The following TCF7L1 variants were observed in gnomAD, a reference collection of about 807,000 sequenced individuals.
TCF7L1 encodes transcription factor 7 like 1, also known as transcription factor 7-like 1.
Under a neutral mutation model 63.7 loss-of-function variants are expected in TCF7L1, and 18 were observed. The ratio of observed to expected loss-of-function variants is 0.28; its 90% CI spans 0.20 to 0.42. TCF7L1 has a LOEUF of 0.42. Among genes scored for constraint, TCF7L1 ranks in the 10% least tolerant of loss-of-function variants. The probability of loss-of-function intolerance (pLI) is 1.00; values close to 1 mark genes in which losing one functional copy is unlikely to be tolerated. For synonymous variants in TCF7L1, 355 were observed against 340.9 expected (o/e 1.04, Z -0.46); for missense variants, 654 against 779.3 (o/e 0.84, Z 1.91).
At chr2:85,210,213 C>T (rs1169038661) in intron 3 of TCF7L1, among the ~76,000 whole-genome samples, 2 of 152,234 alleles carry the variant, frequency 1.3e-5, no homozygotes, top group East Asian at 3.9e-4. Flanking sequence ...CCCCTTGCCT[C>T]CTCTGAGAGG....
At chr2:85,279,918 G>T (rs1245989702) in intron 3 of TCF7L1, among the ~76,000 whole-genome samples, 1 of 152,138 alleles carries the variant, frequency 6.6e-6, no homozygotes, top group East Asian at 1.9e-4. Context: ...GACCAGTGTG[G>T]TCTCCTCCCA....
chr2:85,184,187 T>G (rs1292839478), intron 3 of TCF7L1, among the ~76,000 whole-genome samples: 1 of 152,138 alleles, frequency 6.6e-6, no homozygotes, highest in Admixed American at 6.5e-5. Flanking sequence ...TCCATGTGGG[T>G]TAGAAATCTG....
At chr2:85,180,917 A>G (rs967275178) in intron 3 of TCF7L1, among the ~76,000 whole-genome samples, 2 of 152,238 alleles carry the variant, frequency 1.3e-5, no homozygotes, top group African/African-American at 4.8e-5. Flanking sequence ...GGTCTGAAGC[A>G]CATGATTCCT....
chr2:85,137,383 G>T (rs1677619036), intron 3 of TCF7L1, among the ~76,000 whole-genome samples: 1 of 152,192 alleles, frequency 6.6e-6, no homozygotes, highest in Non-Finnish European at 1.5e-5. Flanking sequence ...TTTTCCTGAG[G>T]CTCTTTAGAG....
At chr2:85,245,501 C>A (rs1318671086) in intron 3 of TCF7L1, among the ~76,000 whole-genome samples, 1 of 152,146 alleles carries the variant, frequency 6.6e-6, no homozygotes, top group Non-Finnish European at 1.5e-5. Flanking sequence ...GCTACAAGGT[C>A]AGAGCCAGGG....
intron 3 of TCF7L1, among the ~76,000 whole-genome samples, chr2:85,176,077 C>T (rs1678672095): frequency 6.6e-6 from 1 of 152,206 alleles, no homozygotes; most frequent in African/African-American, 2.4e-5. Flanking sequence ...AGAGGTACTC[C>T]CCACCTTTCT....
intron 3 of TCF7L1, among the ~76,000 whole-genome samples, chr2:85,147,503 G>A (rs539938880): frequency 1.1e-4 from 16 of 152,204 alleles, no homozygotes; most frequent in African/African-American, 3.9e-4. Context: ...AGGAAAGACA[G>A]GGAGGGGACT....
intron 4 of TCF7L1, among the ~76,000 whole-genome samples, chr2:85,293,475 G>A (rs1022295932): frequency 2.0e-5 from 3 of 152,126 alleles, no homozygotes; most frequent in Non-Finnish European, 2.9e-5. Flanking sequence ...CCCAGGAGCC[G>A]AGCAGGTGCC....
chr2:85,161,171 T>C (rs899812063), intron 3 of TCF7L1, among the ~76,000 whole-genome samples: 2 of 152,214 alleles, frequency 1.3e-5, no homozygotes, highest in Non-Finnish European at 2.9e-5. Flanking sequence ...ATTGTTCTCA[T>C]TTAATGAAGT....
At chr2:85,259,612 G>A (rs554315949) in intron 3 of TCF7L1, among the ~76,000 whole-genome samples, 6 of 152,324 alleles carry the variant, frequency 3.9e-5, no homozygotes, top group South Asian at 4.1e-4. Flanking sequence ...AAAGAGAGCC[G>A]TGGGATAATG....
At chr2:85,192,686 C>T (rs1258002366) in intron 3 of TCF7L1, among the ~76,000 whole-genome samples, 1 of 148,148 alleles carries the variant, frequency 6.8e-6, no homozygotes, top group Non-Finnish European at 1.5e-5. Context: ...CCTGGCCTAA[C>T]TAATCTTTTT....
At chr2:85,255,083 C>T (rs934378229) in intron 3 of TCF7L1, among the ~76,000 whole-genome samples, 3 of 152,072 alleles carry the variant, frequency 2.0e-5, no homozygotes, top group Non-Finnish European at 4.4e-5. Context: ...GATGATGCGC[C>T]CAGTCTGAGG....
intron 3 of TCF7L1, among the ~76,000 whole-genome samples, chr2:85,168,561 A>T (rs1354867284): frequency 2.0e-5 from 3 of 151,182 alleles, no homozygotes; most frequent in African/African-American, 7.3e-5. Flanking sequence ...CGCCTGGTAG[A>T]GCTGCGTGGA....
At chr2:85,287,840 T>TA (rs1193693035) in intron 4 of TCF7L1, among the ~76,000 whole-genome samples, 2 of 152,182 alleles carry the variant, frequency 1.3e-5, no homozygotes, top group African/African-American at 4.8e-5. Context: ...GGAGGCTGTA[T>TA]AATACACTTG....
chr2:85,241,437 G>GTTTT (rs772334481), intron 3 of TCF7L1, among the ~76,000 whole-genome samples: 8 of 83,066 alleles, frequency 9.6e-5, no homozygotes, highest in East Asian at 9.2e-4. Flanking sequence ...CTTTGTTTTT[G>GTTTT]TTTTTTTTTT....
At chr2:85,147,784 C>T (rs184551649) in intron 3 of TCF7L1, among the ~76,000 whole-genome samples, 2 of 152,254 alleles carry the variant, frequency 1.3e-5, no homozygotes, top group African/African-American at 4.8e-5. Context: ...TTGCCTCGCT[C>T]ATACTCCTGA....
chr2:85,286,380 A>AC (rs1681553410), intron 4 of TCF7L1, among the ~76,000 whole-genome samples: 1 of 151,934 alleles, frequency 6.6e-6, no homozygotes, highest in African/African-American at 2.4e-5. Context: ...ACAAAAAAAA[A>AC]AACTAACATA....
At chr2:85,135,384 G>A (rs766237291) in intron 3 of TCF7L1, among the ~76,000 whole-genome samples, 12 of 152,126 alleles carry the variant, frequency 7.9e-5, no homozygotes, top group Non-Finnish European at 1.6e-4. Flanking sequence ...CCAGGTTCCC[G>A]CGTGCTGCTG....
rs774050758 is a variant in TCF7L1, at chr2:85,294,026, A to ATT, written c.526-8431_526-8430dup. ...ATTTAGGTGTGGCCTGAACACTGGG[A>ATT]TTTTTTTTTTTTTTTTTTTTTTTTT... On this transcript the variant is annotated intron_variant, in intron 4 of 11. Transcript: ENST00000282111. 6.2e-4 allele frequency among the ~76,000 whole-genome samples: 37 copies of ATT among 59,478 alleles called. 2 individuals are homozygous for ATT. The highest frequency in any genetic ancestry group is 8.3e-4 in the Non-Finnish European group (27 of 32,616). 39.0% of individuals were successfully genotyped at this position (59,478 alleles called of 152,430 possible).
Sources: gnomAD v4.1 joint callset for allele counts (sites outside exome capture counted in the v4.1 genomes callset) on GRCh38, gnomAD v4.1.1 for gene constraint, MANE v1.5 for transcripts, NCBI Gene and HGNC (gene_info 2026-07-23, HGNC 2026-07-21) for gene names.